Variants in WDR7 observed in about 807,000 individuals in gnomAD.
WDR7 encodes WD repeat-containing protein 7.
Under a neutral mutation model 169.4 loss-of-function variants are expected in WDR7, and 46 were observed. That is an observed-to-expected ratio of 0.27 (90% CI 0.21 to 0.35). WDR7 has a LOEUF of 0.35. Among genes scored for constraint, WDR7 ranks in the 10% least tolerant of loss-of-function variants. WDR7 has a pLI of 1.00. For synonymous variants in WDR7, 612 were observed against 666.8 expected, an observed-to-expected ratio of 0.92 and a Z score of 1.27; for missense variants, 1,534 against 1,859.3, an observed-to-expected ratio of 0.83 and a Z score of 3.22.
chr18:57,023,198 C>T (rs897102507), intron 27 of WDR7, among the ~76,000 whole-genome samples: 4 of 152,058 alleles, frequency 2.6e-5, no homozygotes, highest in African/African-American at 7.2e-5. Flanking sequence ...ATTAAGAGTC[C>T]AAAAAACAGT....
At chr18:56,739,413 CTTCTTTTTACA>C (rs2043578569) in intron 14 of WDR7, among the ~76,000 whole-genome samples, 1 of 152,112 alleles carries the variant, frequency 6.6e-6, no homozygotes, top group African/African-American at 2.4e-5. Flanking sequence ...TTTGCCCCCC[CTTCTTTTTACA>C]TTTTAGTTGC....
chr18:56,778,687 TTG>T (rs2044274549), intron 17 of WDR7, among the ~76,000 whole-genome samples: 1 of 152,210 alleles, frequency 6.6e-6, no homozygotes, highest in Non-Finnish European at 1.5e-5. Flanking sequence ...CATACAGTGT[TTG>T]TCTTTTTTTC....
At chr18:56,903,612 G>C (rs1177605874) in intron 21 of WDR7, among the ~76,000 whole-genome samples, 1 of 151,988 alleles carries the variant, frequency 6.6e-6, no homozygotes, top group East Asian at 1.9e-4. Flanking sequence ...TAGAGACAGG[G>C]TTTCACCATG....
At chr18:56,809,883 T>C (rs890538999) in intron 19 of WDR7, among the ~76,000 whole-genome samples, 1 of 152,086 alleles carries the variant, frequency 6.6e-6, no homozygotes, top group Non-Finnish European at 1.5e-5. Flanking sequence ...TAAATAGTCA[T>C]GGTATAGATT....
chr18:56,968,933 A>C (rs993885038), intron 26 of WDR7, among the ~76,000 whole-genome samples: 4 of 152,166 alleles, frequency 2.6e-5, no homozygotes, highest in African/African-American at 9.7e-5. Context: ...CCCAGGATAC[A>C]GATTTCTCCT....
intron 20 of WDR7, among the ~76,000 whole-genome samples, chr18:56,874,819 C>G (rs117247052): frequency 0.02 from 3,006 of 150,728 alleles, 89 homozygotes; most frequent in East Asian, 0.12. Context: ...GAAACCATAA[C>G]AGCAACAAGA....
chr18:56,831,846 C>CT (rs2045314537), intron 20 of WDR7, among the ~76,000 whole-genome samples: 1 of 152,176 alleles, frequency 6.6e-6, no homozygotes, highest in Non-Finnish European at 1.5e-5. Flanking sequence ...ACCTGCAGAT[C>CT]AGGAGATTCC....
intron 25 of WDR7, among the ~76,000 whole-genome samples, chr18:56,950,710 A>G (rs1457220732): frequency 1.3e-5 from 2 of 152,192 alleles, no homozygotes; most frequent in Non-Finnish European, 2.9e-5. Context: ...CTGTAGCTCA[A>G]TAGAAATCCT....
At chr18:56,980,491 T>C (rs1341696513) in intron 26 of WDR7, among the ~76,000 whole-genome samples, 1 of 152,182 alleles carries the variant, frequency 6.6e-6, no homozygotes, top group African/African-American at 2.4e-5. Flanking sequence ...CAGGCAGTGA[T>C]GTAGAATGGT....
chr18:56,724,213 T>TC (rs2026387377), intron 13 of WDR7, among the ~76,000 whole-genome samples: 1 of 145,860 alleles, frequency 6.9e-6, no homozygotes, highest in Non-Finnish European at 1.5e-5. Context: ...CTGGTAATTT[T>TC]TTTTTTTTTT....
downstream of WDR7, chr18:57,031,699 A>G (rs746413066): frequency 6.6e-6 from 1 of 152,262 alleles, no homozygotes; most frequent in Non-Finnish European, 1.5e-5. Flanking sequence ...CAAAAAGAGA[A>G]CGCAGCCAGC....
At chr18:56,812,294 G>C (rs950614331) in intron 19 of WDR7, among the ~76,000 whole-genome samples, 3 of 152,180 alleles carry the variant, frequency 2.0e-5, no homozygotes, top group Non-Finnish European at 2.9e-5. Context: ...TATAGAAATA[G>C]AATCGATGTT....
rs566857049 is a variant in WDR7 at position 56,794,304 on chromosome 18, A to ATTTTTTTTT, written c.3190+12663_3190+12671dup. 3.1e-3 allele frequency among the ~76,000 whole-genome samples: 153 copies of ATTTTTTTTT among 49,434 alleles called. 44 individuals carry two copies. Among genetic ancestry groups the ATTTTTTTTT allele is most frequent in the Non-Finnish European group, 4.5e-3 (119 of 26,160 alleles). 32.4% of individuals were successfully genotyped at this position (49,434 alleles called of 152,430 possible). A position where few individuals can be genotyped will look rare whatever the true frequency, so the allele number is the denominator to read the frequency against. ...GTTTGTGTCTTAAAAGGTAAAGTCTATTTTTTTTTTTTTTTTTTTTTTTGA... is the reference window on the plus strand; with the variant it reads ...GTTTGTGTCTTAAAAGGTAAAGTCTATTTTTTTTTTTTTTTTTTTTTTTTTTTTTTTTGA... On this transcript the variant is annotated intron_variant, in intron 19 of 27. Transcript: ENST00000254442.
At chr18:56,983,216 G>A (rs565939429) in intron 26 of WDR7, among the ~76,000 whole-genome samples, 5 of 152,250 alleles carry the variant, frequency 3.3e-5, no homozygotes, top group East Asian at 1.9e-4. Context: ...AGTCTGAACC[G>A]TCTTATTTGA....
At chr18:56,856,136 A>G (rs1451924221) in intron 20 of WDR7, among the ~76,000 whole-genome samples, 1 of 152,204 alleles carries the variant, frequency 6.6e-6, no homozygotes, top group Non-Finnish European at 1.5e-5. Context: ...ACTCTTTAGA[A>G]CAATCACAGT....
chr18:56,702,508 A>G (rs539976683), intron 12 of WDR7, among the ~76,000 whole-genome samples: 10 of 152,364 alleles, frequency 6.6e-5, no homozygotes, highest in African/African-American at 2.4e-4. Context: ...CTAATCACCC[A>G]GTATAATATT....
intron 14 of WDR7, among the ~76,000 whole-genome samples, chr18:56,755,508 C>T (rs919869804): frequency 6.6e-6 from 1 of 152,060 alleles, no homozygotes; most frequent in East Asian, 1.9e-4. Context: ...GTCGTGACAG[C>T]GGGATAGGAA....
Position 56,691,571 on chromosome 18 carries a change from CAT to C in WDR7, c.864-143_864-142del, listed in dbSNP as rs1450084725. The C allele has an allele frequency of 7.9e-6, 7 of 885,510 alleles. No homozygotes were observed. The Admixed American group carries it at 2.2e-4, about 28-fold the overall frequency. The allele number at this position is 885,510 out of a possible 1,614,324, so 54.9% of individuals were successfully genotyped here. A position where few individuals can be genotyped will look rare whatever the true frequency, so the allele number is the denominator to read the frequency against. On this transcript the variant is annotated intron_variant, in intron 8 of 27. Transcript: ENST00000254442. The stretch of plus-strand genomic sequence containing the variant: ...TATTTGAAGGACAATATTTTTATAA[CAT>C]TATTTAATTTAATGCCTGCATTAAA...
chr18:57,009,676 T>C lies in WDR7; in HGVS notation c.4165-11069T>C, dbSNP rs375255248. 5.3e-5 allele frequency among the ~76,000 whole-genome samples: 8 copies of C among 152,358 alleles called. No individual in the cohort carries two copies. The East Asian group carries it at 1.5e-3, about 29-fold the overall frequency. The stretch of plus-strand genomic sequence containing the variant: ...CCAAAGGTATGGTAATGTTGGTTAA[T>C]ATATGTATGAATTTTAGAATTTTAT... On this transcript the variant is annotated intron_variant, in intron 26 of 27. Transcript: ENST00000254442.
Sources: gnomAD v4.1 joint callset for allele counts (sites outside exome capture counted in the v4.1 genomes callset) on GRCh38, gnomAD v4.1.1 for gene constraint, MANE v1.5 for transcripts, NCBI Gene and HGNC (gene_info 2026-07-23, HGNC 2026-07-21) for gene names.